The following ZER1 variants were observed in gnomAD, a reference collection of about 807,000 sequenced individuals.
The protein encoded by ZER1 is protein zer-1 homolog.
In ZER1, 11 loss-of-function variants were observed where a neutral mutation model predicts 78.8. The ratio of observed to expected loss-of-function variants is 0.14; its 90% confidence interval spans 0.09 to 0.23. ZER1 has a LOEUF of 0.23. Among genes scored for constraint, ZER1 ranks in the 10% least tolerant of loss-of-function variants. ZER1 has a pLI of 1.00. For synonymous variants in ZER1, 400 were observed against 407.0 expected (o/e 0.98, Z 0.21); for missense variants, 588 against 996.9 (o/e 0.59, Z 5.52).
intron 13 of ZER1, among the ~76,000 whole-genome samples, chr9:128,738,856 T>A (rs1478040986): frequency 6.9e-6 from 1 of 145,274 alleles, no homozygotes. Flanking sequence ...TCATTTTTTT[T>A]TTTTTTTTTT....
rs1863838653 is a variant in ZER1 at position 128,755,798 on chromosome 9, C to A, written c.-94-139G>T. 7 of 568,630 alleles carry A rather than the reference C, an allele frequency of 1.2e-5. No homozygotes were observed. Among genetic ancestry groups the A allele is most frequent in the Non-Finnish European group, 2.2e-5 (7 of 323,972 alleles). 35.2% of individuals were successfully genotyped at this position (568,630 alleles called of 1,614,324 possible). A position where few individuals can be genotyped will look rare whatever the true frequency, so the allele number is the denominator to read the frequency against. On this transcript the variant is annotated intron_variant, in intron 1 of 15. Coordinates refer to ENST00000291900, the MANE Select transcript of ZER1 (RefSeq NM_006336.4). The surrounding 1 kb of genome is among the most constrained non-coding windows in gnomAD (Gnocchi z 5.6). ...GCAGGGCCAGGCCCAGGTCTCCTGA[C>A]TCCTTCTTTCACCCGCCTCTGCTGT...
chr9:128,745,883 A>T (rs1863472450), intron 8 of ZER1: 1 of 151,904 alleles, frequency 6.6e-6, no homozygotes, highest in South Asian at 2.1e-4. Context: ...TTTGTCACCC[A>T]GGCTGGAGTG....
In ZER1 at chr9:128,753,216, T is replaced by C. The variant is rs892914552; in HGVS notation, c.694A>G (p.Met232Val). 1 of 1,582,884 alleles carries C rather than the reference T, an allele frequency of 6.3e-7. No homozygotes were observed. Among genetic ancestry groups the C allele is most frequent in the Non-Finnish European group, 8.6e-7 (1 of 1,164,888 alleles). Reference sequence around the variant, plus strand: ...CGGATGTGGTCGTCGGACAGGTCCATGTTGTAGAGGACGAGGGACACCAGG... The same window carrying C: ...CGGATGTGGTCGTCGGACAGGTCCACGTTGTAGAGGACGAGGGACACCAGG... ...DSLVSLVLYN[M>V]DLSDDHIRVI... The change falls in exon 4 of 16, where the codon ATG becomes GTG. Residue 232 changes from methionine (M) to valine (V), a missense_variant. Transcript: ENST00000291900. The surrounding 1 kb of genome is among the most constrained non-coding windows in gnomAD (Gnocchi z 7.5).
At position 128,753,645 on chromosome 9, in the gene ZER1, TC is replaced by T. The variant is rs755371292; in HGVS notation, c.310-46del. 1 of 1,594,790 alleles carries T rather than the reference TC, an allele frequency of 6.3e-7. No individual in the cohort carries two copies. The stretch of plus-strand genomic sequence containing the variant: ...CATCATCATCACCACCCTTGCCCCT[TC>T]CCCCGGCCCCAGGCCTTGCCCTGGG... On this transcript the variant is annotated intron_variant, in intron 3 of 15. Transcript: ENST00000291900. This position sits in a 1 kb window ranked among gnomAD's most constrained non-coding sequence, Gnocchi z 7.5.
Position 128,749,056 on chromosome 9 carries a change from G to A in ZER1, c.1359+1560C>T, listed in dbSNP as rs536635249. ...ATATATATATATTGTGGCTGAGCAC[G>A]GTGGCTCACGCCTGTAATCCCAGCA... On this transcript the variant is annotated intron_variant, in intron 8 of 15. Coordinates refer to ENST00000291900, the MANE Select transcript of ZER1 (RefSeq NM_006336.4). Among the ~76,000 whole-genome samples the A allele has an allele frequency of 5.8e-4, 87 of 149,612 alleles. 1 individual carries two copies. Among genetic ancestry groups the A allele is most frequent in the Middle Eastern group, 7.1e-3 (2 of 282 alleles).
intron 8 of ZER1, among the ~76,000 whole-genome samples, chr9:128,743,115 TTTTC>T (rs980201110): frequency 1.8e-4 from 28 of 151,522 alleles, no homozygotes; most frequent in Non-Finnish European, 2.2e-4. Flanking sequence ...CTGCTTTTCT[TTTTC>T]TTTCTTTTTT....
chr9:128,737,487 T>C (rs1288891571), intron 13 of ZER1, among the ~76,000 whole-genome samples: 1 of 152,164 alleles, frequency 6.6e-6, no homozygotes, highest in Non-Finnish European at 1.5e-5. Flanking sequence ...TGTCCATCTG[T>C]ACAGGATGGC....
Position 128,740,133 on chromosome 9 carries a change from GAC to G in ZER1, c.1854-16_1854-15del. 1 of 1,578,438 alleles carries G rather than the reference GAC, an allele frequency of 6.3e-7. No individual in the cohort carries two copies. Among genetic ancestry groups the G allele is most frequent in the Admixed American group, 1.8e-5 (1 of 56,790 alleles). Reference sequence around the variant, plus strand: ...TCCAACAGGTTGCTGCCAGGAGAAAGACAGAAAAATGGAGTCCCACTCCCCCA... The same window carrying G: ...TCCAACAGGTTGCTGCCAGGAGAAAGAGAAAAATGGAGTCCCACTCCCCCA... On this transcript the variant is annotated splice_polypyrimidine_tract_variant and intron_variant, in intron 12 of 15. Transcript: ENST00000291900. This position sits in a 1 kb window ranked among gnomAD's most constrained non-coding sequence, Gnocchi z 4.4.
intron 8 of ZER1, among the ~76,000 whole-genome samples, chr9:128,748,631 G>T (rs1863577047): frequency 6.6e-6 from 1 of 151,666 alleles, no homozygotes; most frequent in Non-Finnish European, 1.5e-5. Flanking sequence ...GAGTTCGGTG[G>T]CTTGATCTCA....
chr9:128,734,144 A>AAAAAAAAAATATATAT, intron 14 of ZER1, among the ~76,000 whole-genome samples: 6 of 14,440 alleles, frequency 4.2e-4, no homozygotes, highest in African/African-American at 5.6e-4. Context: ...AAAAAAAAAA[A>AAAAAAAAAATATATAT]ATATATATAT....
At chr9:128,761,690 C>T (rs960656640) in intron 1 of ZER1, among the ~76,000 whole-genome samples, 20 of 150,620 alleles carry the variant, frequency 1.3e-4, no homozygotes, top group African/African-American at 3.9e-4. Flanking sequence ...CTGCAAGCTC[C>T]GCCTCCTGGG....
intron 15 of ZER1, 146 bp from the exon 16 acceptor site, chr9:128,731,540 A>T (rs188532809): frequency 3.2e-4 from 209 of 644,016 alleles, no homozygotes; most frequent in African/African-American, 2.7e-3. Flanking sequence ...GGGCTGGCAG[A>T]GTGGCTGGCA....
Position 128,753,396 on chromosome 9 carries a change from C to G in ZER1, c.514G>C (p.Glu172Gln), listed in dbSNP as rs747367213. 4.3e-6 allele frequency: 7 copies of G among 1,614,092 alleles called. No homozygotes were observed. In the South Asian group the frequency reaches 5.5e-5, roughly 13 times the overall value. ...CQVLVKDFTF[E>Q]GFSRLRFLNL... is the part of the protein sequence containing the mutation. The stretch of plus-strand genomic sequence containing the variant: ...AGGAAGCGGAGGCGGCTGAAGCCCT[C>G]GAAGGTGAAATCCTTAACCAGCACC... Residue 172 changes from glutamate to glutamine, a missense_variant, in exon 4 of 16, where the codon GAG becomes CAG. By Grantham distance (29) the Glu-to-Gln change is conservative (BLOSUM62 2). This residue lies in a region of ZER1 where 406 missense variants were observed against 660.1 expected (regional missense o/e 0.62). Transcript: ENST00000291900. The surrounding 1 kb of genome is among the most constrained non-coding windows in gnomAD (Gnocchi z 7.5).
At position 128,756,854 on chromosome 9, in the gene ZER1, T is replaced by C. The variant is rs180696287; in HGVS notation, c.-94-1195A>G. On this transcript the variant is annotated intron_variant, in intron 1 of 15. Coordinates refer to ENST00000291900, the MANE Select transcript of ZER1 (RefSeq NM_006336.4). ...CTAAAAATCATGGAATTATATACTT[T>C]ATATGGATGAATTGTGTGACATGTG... 3.6e-4 allele frequency among the ~76,000 whole-genome samples: 55 copies of C among 152,360 alleles called. 1 individual carries two copies. The East Asian group carries it at 0.01, about 28-fold the overall frequency.
intron 13 of ZER1, among the ~76,000 whole-genome samples, chr9:128,737,451 C>T (rs73669969): frequency 0.013 from 1,914 of 152,302 alleles, 49 homozygotes; most frequent in African/African-American, 0.044. Context: ...CAGCCTGTTC[C>T]TCCCAGTATG....
At position 128,753,191 on chromosome 9, in the gene ZER1, C is replaced by G. The variant is rs764594357; in HGVS notation, c.719G>C (p.Arg240Pro). 1 of 1,561,520 alleles carries G rather than the reference C, an allele frequency of 6.4e-7. No homozygotes were observed. Among genetic ancestry groups the G allele is most frequent in the Admixed American group, 1.9e-5 (1 of 52,528 alleles). The change falls in exon 4 of 16, where the codon CGG becomes CCG. Residue 240 changes from arginine to proline, a missense_variant. Physicochemically the swap from Arg to Pro is moderately radical, Grantham distance 103. Transcript: ENST00000291900. The surrounding 1 kb of genome is among the most constrained non-coding windows in gnomAD (Gnocchi z 7.5). The stretch of plus-strand genomic sequence containing the variant: ...CAGCTTGTGCAGCTGCACGATGACC[C>G]GGATGTGGTCGTCGGACAGGTCCAT... ...YNMDLSDDHI[R>P]VIVQLHKLRH...
At chr9:128,751,000 G>A in intron 7 of ZER1, 122 bp downstream of exon 7, 1 of 1,441,288 alleles carries the variant, frequency 6.9e-7, no homozygotes, top group Non-Finnish European at 9.2e-7. Context: ...CTGGGGTTCG[G>A]GTCCTGGGGC....
Position 128,752,136 on chromosome 9 carries a change from C to T in ZER1, c.923+537G>A, listed in dbSNP as rs569009552. Among the ~76,000 whole-genome samples, 10 of 152,260 alleles carry T rather than the reference C, an allele frequency of 6.6e-5. No individual in the cohort carries two copies. The South Asian group carries it at 1.7e-3, about 25-fold the overall frequency. On this transcript the variant is annotated intron_variant, in intron 5 of 15. Coordinates refer to ENST00000291900, the MANE Select transcript of ZER1 (RefSeq NM_006336.4). ...ATGAGCTTTCAGGACAGCCAGGATG[C>T]GTCCCTCCTCCTCCTTCCTTCCTGA...
At chr9:128,757,297 TTG>T (rs1863888448) in intron 1 of ZER1, among the ~76,000 whole-genome samples, 1 of 152,048 alleles carries the variant, frequency 6.6e-6, no homozygotes, top group African/African-American at 2.4e-5. Flanking sequence ...GGTGGGCAAA[TTG>T]CTTGAGCCCA....
Sources: gnomAD v4.1 joint callset for allele counts (sites outside exome capture counted in the v4.1 genomes callset) on GRCh38, gnomAD v4.1.1 for gene constraint, gnomAD v4.1.1 regional missense constraint, Gnocchi (gnomAD v3.1) non-coding constraint, MANE v1.5 for transcripts, NCBI Gene and HGNC (gene_info 2026-07-23, HGNC 2026-07-21) for gene names.